The following ERBIN variants were observed in gnomAD, a reference collection of about 807,000 sequenced individuals.
ERBIN encodes the protein densin-180-like protein.
Under a neutral mutation model 158.4 loss-of-function variants are expected in ERBIN, and 60 were observed. The ratio of observed to expected loss-of-function variants is 0.38; its 90% CI spans 0.31 to 0.47. The LOEUF (loss-of-function observed/expected upper bound fraction) is 0.47. ERBIN is among the 20% of genes least tolerant of loss of function. ERBIN has a pLI of 0.99. For synonymous variants in ERBIN, 594 were observed against 557.2 expected, an observed-to-expected ratio of 1.07 and a Z score of -0.93; for missense variants, 1,610 against 1,648.0, an observed-to-expected ratio of 0.98 and a Z score of 0.40.
At chr5:65,933,340 C>T (rs979822000) in intron 1 of ERBIN, among the ~76,000 whole-genome samples, 1 of 152,142 alleles carries the variant, frequency 6.6e-6, no homozygotes, top group Non-Finnish European at 1.5e-5. Context: ...CCAATGAATC[C>T]TTCTTCTGGC....
rs1402866986 is a variant in ERBIN at position 65,940,730 on chromosome 5, C to G, written c.-58+13924C>G. Among the ~76,000 whole-genome samples, 784 of 147,850 alleles carry G rather than the reference C, an allele frequency of 5.3e-3. 12 individuals are homozygous for G. The highest frequency in any genetic ancestry group is 0.019 in the African/African-American group (751 of 39,496). On this transcript the variant is annotated intron_variant, in intron 1 of 25. Transcript: ENST00000284037. ...CCCCCGCCCGGCCAGCCGCCCCGTC[C>G]GGGAGGTGAGGGGCGCCTCTGCCCG...
chr5:66,056,711 G>T lies in ERBIN; in HGVS notation c.3633+1760G>T, dbSNP rs376028032. Among the ~76,000 whole-genome samples, 12 of 152,258 alleles carry T rather than the reference G, an allele frequency of 7.9e-5. 1 individual carries two copies. The highest frequency in any genetic ancestry group is 3.3e-4 in the Admixed American group (5 of 15,282). On this transcript the variant is annotated intron_variant, in intron 21 of 25. Coordinates refer to ENST00000284037, the MANE Select transcript of ERBIN (RefSeq NM_001253697.2). ...TGAGAAAAGAAACAGGGCAAACTGT[G>T]TCTGAACACAAATCTGCACCTGATA...
chr5:66,012,856 C>G (rs182645279), intron 5 of ERBIN, among the ~76,000 whole-genome samples: 1 of 152,182 alleles, frequency 6.6e-6, no homozygotes, highest in Non-Finnish European at 1.5e-5. Flanking sequence ...ATGGCCCTAA[C>G]GTCATTCAGC....
In ERBIN at chr5:66,054,309, T is replaced by C; in HGVS notation, c.2991T>C (p.Asn997=). 6.2e-7 allele frequency: 1 copy of C among 1,614,022 alleles called. No homozygotes were observed. Among genetic ancestry groups the C allele is most frequent in the African/African-American group, 1.3e-5 (1 of 75,008 alleles). The change falls in exon 21 of 26, where the codon AAT becomes AAC. Residue 997 remains asparagine (N), a synonymous_variant. Coordinates refer to ENST00000284037, the MANE Select transcript of ERBIN (RefSeq NM_001253697.2). The part of the protein sequence containing the change: ...VKDTLWHSKQ[N]PQIDHASFPP... ...ACACTTTGTGGCACTCCAAACAAAA[T>C]CCCCAAATAGACCATGCCAGTTTTC...
intron 1 of ERBIN, among the ~76,000 whole-genome samples, chr5:65,956,981 G>A (rs1452295909): frequency 6.6e-6 from 1 of 150,922 alleles, no homozygotes; most frequent in Non-Finnish European, 1.5e-5. Flanking sequence ...GCTGCTATTT[G>A]TGTATGGTAA....
rs1462639908 is a variant in ERBIN at position 66,076,852 on chromosome 5, A to G, written c.4057-23A>G. 11 of 1,562,984 alleles carry G rather than the reference A, an allele frequency of 7.0e-6. No individual in the cohort carries two copies. In the East Asian group the frequency reaches 2.5e-4, roughly 35 times the overall value. ...TATTTATACATACTGTTTTTAGTTA[A>G]ATAATTTTTTTTGTTGTTAAAGGGT... On this transcript the variant is annotated intron_variant, in intron 24 of 25. Coordinates refer to ENST00000284037, the MANE Select transcript of ERBIN (RefSeq NM_001253697.2).
chr5:65,992,665 T>G (rs979519766), intron 2 of ERBIN, 45 bp from the exon 3 acceptor site: 2 of 1,382,560 alleles, frequency 1.4e-6, no homozygotes, highest in African/African-American at 2.9e-5. Context: ...TGAAAAACCG[T>G]TGTAATATGT....
chr5:65,937,684 G>A (rs1426166031), intron 1 of ERBIN, among the ~76,000 whole-genome samples: 2 of 152,076 alleles, frequency 1.3e-5, no homozygotes, highest in African/African-American at 4.8e-5. Context: ...CGAGGCGGGC[G>A]GATCACGAGG....
intron 4 of ERBIN, among the ~76,000 whole-genome samples, chr5:65,999,013 T>C (rs1205279049): frequency 6.6e-6 from 1 of 152,222 alleles, no homozygotes; most frequent in African/African-American, 2.4e-5. Context: ...TACTTTTCTT[T>C]TTCATGTATG....
intron 1 of ERBIN, among the ~76,000 whole-genome samples, chr5:65,937,519 C>T (rs749172309): frequency 2.0e-5 from 3 of 152,038 alleles, no homozygotes; most frequent in Non-Finnish European, 2.9e-5. Flanking sequence ...ACCTCTCTCC[C>T]CTTCATTGTA....
intron 20 of ERBIN, 121 bp from the exon 21 acceptor site, chr5:66,053,285 T>C: frequency 1.9e-6 from 1 of 524,370 alleles, no homozygotes; most frequent in Non-Finnish European, 3.2e-6. Context: ...TAAATGCCTT[T>C]TGTCTTTGAC....
intron 15 of ERBIN, among the ~76,000 whole-genome samples, chr5:66,040,929 C>CT (rs2151197408): frequency 6.6e-6 from 1 of 151,452 alleles, no homozygotes; most frequent in Non-Finnish European, 1.5e-5. Context: ...GATCTTGGGC[C>CT]TAGGTAGAGG....
chr5:66,072,601 C>T (rs1276381587), intron 22 of ERBIN, among the ~76,000 whole-genome samples: 1 of 152,056 alleles, frequency 6.6e-6, no homozygotes, highest in Non-Finnish European at 1.5e-5. Context: ...GATAGTAAAA[C>T]TATTTGGAGA....
Position 66,076,153 on chromosome 5 carries a change from T to C in ERBIN, c.3964-163T>C, listed in dbSNP as rs527261835. The C allele has an allele frequency of 9.4e-5, 56 of 595,526 alleles. 1 individual carries two copies. In the South Asian group the frequency reaches 1.2e-3, roughly 12 times the overall value. 36.9% of individuals were successfully genotyped at this position (595,526 alleles called of 1,614,324 possible). A position where few individuals can be genotyped will look rare whatever the true frequency, so the allele number is the denominator to read the frequency against. ...TTAACTCACTAACTCATTAACATAA[T>C]ATTCTATGTTGTATTTCACTTCATC... On this transcript the variant is annotated intron_variant, in intron 23 of 25. Transcript: ENST00000284037.
intron 4 of ERBIN, among the ~76,000 whole-genome samples, chr5:66,007,740 C>T (rs903695068): frequency 2.0e-5 from 3 of 152,194 alleles, no homozygotes; most frequent in Non-Finnish European, 4.4e-5. Context: ...TGGTATATAG[C>T]ATAGTGTCTG....
At chr5:66,044,893 T>C (rs986414157) in intron 17 of ERBIN, among the ~76,000 whole-genome samples, 4 of 151,462 alleles carry the variant, frequency 2.6e-5, no homozygotes, top group African/African-American at 9.7e-5. Flanking sequence ...CTGATGAAGA[T>C]GGTGAGACTG....
intron 21 of ERBIN, among the ~76,000 whole-genome samples, chr5:66,059,995 T>G (rs1428461487): frequency 6.6e-6 from 1 of 152,256 alleles, no homozygotes; most frequent in African/African-American, 2.4e-5. Flanking sequence ...TGGTCTAAAA[T>G]TCTCTTTTTT....
At chr5:66,045,479 A>G (rs1758342838) in intron 17 of ERBIN, among the ~76,000 whole-genome samples, 1 of 151,924 alleles carries the variant, frequency 6.6e-6, no homozygotes, top group African/African-American at 2.4e-5. Context: ...TATATGTAAT[A>G]TTACATATAG....
At chr5:66,036,548 G>A (rs556777081) in intron 14 of ERBIN, among the ~76,000 whole-genome samples, 2 of 152,150 alleles carry the variant, frequency 1.3e-5, no homozygotes, top group Admixed American at 6.5e-5. Flanking sequence ...TTCTCCTCCT[G>A]TATGTTCTTC....
Sources: allele counts gnomAD v4.1 joint callset (sites outside exome capture counted in the v4.1 genomes callset), GRCh38; gene constraint gnomAD v4.1.1; transcripts MANE v1.5; gene names NCBI Gene and HGNC (gene_info 2026-07-23, HGNC 2026-07-21).